ARHGAP26: variants seen among roughly 807,000 people sequenced by gnomAD.
The protein encoded by ARHGAP26 is Rho GTPase activating protein 26, also known as rho GTPase-activating protein 26.
A neutral mutation model predicts 104.8 loss-of-function variants in ARHGAP26; 38 were observed. The ratio of observed to expected loss-of-function variants is 0.36; its 90% confidence interval spans 0.28 to 0.48. The LOEUF (loss-of-function observed/expected upper bound fraction) is 0.48. Among genes scored for constraint, ARHGAP26 ranks in the 20% least tolerant of loss-of-function variants. The pLI is 0.99. For missense variants in ARHGAP26, 704 were observed against 947.9 expected (o/e 0.74, Z 3.38); for synonymous variants, 341 against 340.0 (o/e 1.00, Z -0.03).
intron 11 of ARHGAP26, among the ~76,000 whole-genome samples, chr5:143,012,554 T>TATATATATATATATATATATAC (rs1562259551): frequency 2.6e-4 from 17 of 66,164 alleles, no homozygotes; most frequent in Non-Finnish European, 5.6e-4. Flanking sequence ...CATACATACA[T>TATATATATATATATATATATAC]ATATATATAT....
At chr5:142,952,550 G>A (rs2152617085) in intron 11 of ARHGAP26, among the ~76,000 whole-genome samples, 1 of 152,266 alleles carries the variant, frequency 6.6e-6, no homozygotes, top group African/African-American at 2.4e-5. Context: ...GGGCACTGGT[G>A]ATAGAAGAGT....
At chr5:143,163,372 G>A (rs534184668) in intron 20 of ARHGAP26, among the ~76,000 whole-genome samples, 1 of 152,286 alleles carries the variant, frequency 6.6e-6, no homozygotes, top group African/African-American at 2.4e-5. Context: ...CTGCCTTGAA[G>A]TGTATAATTT....
At chr5:143,211,964 C>T (rs1030220267) in intron 21 of ARHGAP26, among the ~76,000 whole-genome samples, 1 of 152,190 alleles carries the variant, frequency 6.6e-6, no homozygotes, top group Non-Finnish European at 1.5e-5. Flanking sequence ...ACCTGGACCA[C>T]TCCCTTTTAT....
Position 143,014,067 on chromosome 5 carries a change from T to C in ARHGAP26, c.1108-13T>C. ...AAAATGCACATAAGTGAATTTTTAT[T>C]TTTATTTTCCAGGTCTACAACTCGA... On this transcript the variant is annotated splice_polypyrimidine_tract_variant and intron_variant, in intron 11 of 22. Transcript: ENST00000645722. The C allele has an allele frequency of 6.2e-7, 1 of 1,614,074 alleles. No individual in the cohort carries two copies. The highest frequency in any genetic ancestry group is 1.7e-5 in the Admixed American group (1 of 60,032).
chr5:142,869,383 A>AT lies in ARHGAP26; in HGVS notation c.155-4008dup, dbSNP rs34964714. 2.7e-3 allele frequency among the ~76,000 whole-genome samples: 397 copies of AT among 147,794 alleles called. 4 individuals are homozygous for AT. The highest frequency in any genetic ancestry group is 7.2e-3 in the African/African-American group (289 of 40,350). On this transcript the variant is annotated intron_variant, in intron 1 of 22. Coordinates refer to ENST00000645722, the MANE Select transcript of ARHGAP26 (RefSeq NM_001135608.3). The stretch of plus-strand genomic sequence containing the variant: ...CCAGTACACCCGGCTATTTTATTTT[A>AT]TTTTTTTTTGTATTTTTAGTAGAGA...
chr5:143,100,694 A>G (rs1171367518), intron 17 of ARHGAP26, among the ~76,000 whole-genome samples: 6 of 152,240 alleles, frequency 3.9e-5, no homozygotes, highest in Non-Finnish European at 8.8e-5. Context: ...CTTTGTGGGC[A>G]GGAAATGAAG....
At chr5:143,093,415 C>A (rs1791751346) in intron 17 of ARHGAP26, among the ~76,000 whole-genome samples, 1 of 152,066 alleles carries the variant, frequency 6.6e-6, no homozygotes, top group South Asian at 2.1e-4. Context: ...CAGGAGAAGA[C>A]CTTCAATTAT....
At chr5:142,917,102 C>T (rs754125061) in intron 10 of ARHGAP26, among the ~76,000 whole-genome samples, 70 of 150,768 alleles carry the variant, frequency 4.6e-4, no homozygotes, top group Non-Finnish European at 3.4e-4. Flanking sequence ...TGCAGTGGCA[C>T]GATCTCAGCT....
At chr5:143,020,471 C>T (rs1780162012) in intron 12 of ARHGAP26, among the ~76,000 whole-genome samples, 1 of 152,018 alleles carries the variant, frequency 6.6e-6, no homozygotes, top group African/African-American at 2.4e-5. Flanking sequence ...GACTACATGC[C>T]CAGAGCTCAT....
intron 20 of ARHGAP26, among the ~76,000 whole-genome samples, chr5:143,190,418 A>G (rs916762886): frequency 6.6e-6 from 1 of 152,216 alleles, no homozygotes; most frequent in African/African-American, 2.4e-5. Context: ...CATGTCAGGA[A>G]CATAAGAGGG....
intron 11 of ARHGAP26, among the ~76,000 whole-genome samples, chr5:142,988,414 A>C (rs1012641181): frequency 1.3e-5 from 2 of 151,890 alleles, no homozygotes; most frequent in African/African-American, 2.4e-5. Context: ...GTGGTCTATC[A>C]AGTTTTTTGA....
At position 142,858,675 on chromosome 5, in the gene ARHGAP26, G is replaced by T. The variant is rs1001912391; in HGVS notation, c.155-14725G>T. On this transcript the variant is annotated intron_variant, in intron 1 of 22. Coordinates refer to ENST00000645722, the MANE Select transcript of ARHGAP26 (RefSeq NM_001135608.3). Reference sequence around the variant, plus strand: ...ATCCTTTTATGAACAAAACAGTCACGGCTACTGCCTGCCTGGGGTTTATAA... The same window carrying T: ...ATCCTTTTATGAACAAAACAGTCACTGCTACTGCCTGCCTGGGGTTTATAA... Among the ~76,000 whole-genome samples the T allele has an allele frequency of 2.0e-5, 3 of 152,162 alleles. No homozygotes were observed. The East Asian group carries it at 5.8e-4, about 29-fold the overall frequency.
chr5:143,037,123 G>A, intron 12 of ARHGAP26, 73 bp from the exon 13 acceptor site: 1 of 1,208,874 alleles, frequency 8.3e-7, no homozygotes, highest in Non-Finnish European at 1.2e-6. Context: ...GATTCATCCT[G>A]GTTTGGTTAA....
intron 17 of ARHGAP26, among the ~76,000 whole-genome samples, chr5:143,065,826 A>G (rs1215945015): frequency 6.6e-6 from 1 of 152,204 alleles, no homozygotes; most frequent in Non-Finnish European, 1.5e-5. Context: ...GGGGAAGTTA[A>G]AAAACTCTGA....
intron 4 of ARHGAP26, among the ~76,000 whole-genome samples, chr5:142,882,053 AT>A (rs1757071058): frequency 6.6e-6 from 1 of 152,094 alleles, no homozygotes; most frequent in African/African-American, 2.4e-5. Flanking sequence ...TGAGGAAATT[AT>A]TTTTTCCTGT....
intron 11 of ARHGAP26, among the ~76,000 whole-genome samples, chr5:143,006,833 C>T (rs987265895): frequency 6.6e-6 from 1 of 152,150 alleles, no homozygotes; most frequent in African/African-American, 2.4e-5. Flanking sequence ...GCCTGTGGCC[C>T]ATGGGTGAAA....
intron 20 of ARHGAP26, among the ~76,000 whole-genome samples, chr5:143,150,945 C>G (rs1379030142): frequency 2.0e-5 from 3 of 152,212 alleles, no homozygotes; most frequent in African/African-American, 4.8e-5. Flanking sequence ...CTAAAAACTT[C>G]TGCTCTGTGA....
At chr5:142,972,192 A>G (rs1236314283) in intron 11 of ARHGAP26, among the ~76,000 whole-genome samples, 1 of 152,086 alleles carries the variant, frequency 6.6e-6, no homozygotes, top group African/African-American at 2.4e-5. Context: ...AAAAAAAAAA[A>G]AAAGATACAG....
At chr5:143,179,574 C>A (rs1804006428) in intron 20 of ARHGAP26, among the ~76,000 whole-genome samples, 1 of 152,186 alleles carries the variant, frequency 6.6e-6, no homozygotes, top group African/African-American at 2.4e-5. Flanking sequence ...GGCTTGGCTC[C>A]CTGGGAGAGA....
Sources: gnomAD v4.1 joint callset for allele counts (sites outside exome capture counted in the v4.1 genomes callset) on GRCh38, gnomAD v4.1.1 for gene constraint, MANE v1.5 for transcripts, NCBI Gene and HGNC (gene_info 2026-07-23, HGNC 2026-07-21) for gene names.